The following GRHL2 variants were observed in gnomAD, a reference collection of about 807,000 sequenced individuals.
GRHL2 encodes the protein grainyhead like transcription factor 2.
Under a neutral mutation model 83.8 loss-of-function variants are expected in GRHL2, and 21 were observed. That is an observed-to-expected ratio of 0.25 (90% CI 0.18 to 0.36). The LOEUF (loss-of-function observed/expected upper bound fraction) is 0.36. Ranked by LOEUF, GRHL2 falls within the 10% of genes least tolerant of loss-of-function variation. The pLI, the probability that GRHL2 is intolerant of heterozygous loss-of-function variation, is 1.00. For missense variants in GRHL2, 623 were observed against 781.8 expected (o/e 0.80, Z 2.42); for synonymous variants, 280 against 278.9 (o/e 1.00, Z -0.04).
chr8:101,545,939 T>C (rs1811256577), intron 2 of GRHL2, among the ~76,000 whole-genome samples: 1 of 140,024 alleles, frequency 7.1e-6, no homozygotes, highest in Admixed American at 8.0e-5. Context: ...TGGAGTGCAG[T>C]GGCACGATCT....
At chr8:101,495,877 G>A (rs748040783) in intron 1 of GRHL2, among the ~76,000 whole-genome samples, 18 of 152,070 alleles carry the variant, frequency 1.2e-4, no homozygotes, top group Non-Finnish European at 1.6e-4. Flanking sequence ...GGCCAGGCGC[G>A]GCGGCTCACA....
At chr8:101,677,286 C>G in the GRHL2 span, among the ~76,000 whole-genome samples, 2 of 151,910 alleles carry the variant, frequency 1.3e-5, no homozygotes, top group African/African-American at 4.8e-5. Context: ...GCAAACACCC[C>G]TCATAGACCA....
At chr8:101,510,476 T>G (rs1810439770) in intron 1 of GRHL2, among the ~76,000 whole-genome samples, 1 of 152,240 alleles carries the variant, frequency 6.6e-6, no homozygotes, top group Non-Finnish European at 1.5e-5. Flanking sequence ...GTCATAATTC[T>G]ATACAAATCC....
At chr8:101,526,955 G>T (rs1484005332) in intron 1 of GRHL2, among the ~76,000 whole-genome samples, 1 of 152,184 alleles carries the variant, frequency 6.6e-6, no homozygotes, top group Middle Eastern at 3.4e-3. Flanking sequence ...TGCTTGTTTT[G>T]TTTTTATTGT....
At chr8:101,554,544 G>A (rs1811453207) in intron 3 of GRHL2, among the ~76,000 whole-genome samples, 1 of 152,128 alleles carries the variant, frequency 6.6e-6, no homozygotes. Context: ...CTGCAGTGAA[G>A]TATAGACTAA....
chr8:101,609,818 A>C (rs886729295), intron 8 of GRHL2, among the ~76,000 whole-genome samples: 4 of 151,074 alleles, frequency 2.6e-5, no homozygotes, highest in Admixed American at 1.3e-4. Flanking sequence ...TTGGCTGGGA[A>C]ACAAGGAAGG....
intron 1 of GRHL2, among the ~76,000 whole-genome samples, chr8:101,495,130 A>G (rs1810069143): frequency 6.6e-6 from 1 of 152,180 alleles, no homozygotes; most frequent in African/African-American, 2.4e-5. Context: ...TGGGGACTGT[A>G]AGTAAACGGG....
intron 3 of GRHL2, among the ~76,000 whole-genome samples, chr8:101,554,297 G>A (rs145612826): frequency 6.6e-6 from 1 of 152,156 alleles, no homozygotes; most frequent in Non-Finnish European, 1.5e-5. Context: ...CACTCTTCAG[G>A]CCCTAAAACT....
At chr8:101,661,275 AT>A (rs578010772) in intron 14 of GRHL2, among the ~76,000 whole-genome samples, 221 of 152,380 alleles carry the variant, frequency 1.5e-3, no homozygotes, top group African/African-American at 5.1e-3. Flanking sequence ...AGTTTACAGC[AT>A]GCCACTGGTG....
chr8:101,568,693 A>G (rs1435929612), intron 4 of GRHL2, among the ~76,000 whole-genome samples: 2 of 152,046 alleles, frequency 1.3e-5, no homozygotes, highest in Admixed American at 1.3e-4. Flanking sequence ...GCACCAAAGC[A>G]GATTGTGAAG....
At chr8:101,522,742 T>TAC (rs1554582882) in intron 1 of GRHL2, among the ~76,000 whole-genome samples, 11 of 150,498 alleles carry the variant, frequency 7.3e-5, no homozygotes, top group Admixed American at 2.0e-4. Context: ...CATATACATA[T>TAC]ATATATATAC....
At chr8:101,656,873 GACACAC>G (rs35693999) in intron 14 of GRHL2, among the ~76,000 whole-genome samples, 17,377 of 146,910 alleles carry the variant, frequency 0.12, 1,129 homozygotes, top group South Asian at 0.24. Context: ...GTGTCTAACA[GACACAC>G]ACACACACAC....
intron 1 of GRHL2, among the ~76,000 whole-genome samples, chr8:101,527,658 T>G (rs913134262): frequency 6.6e-6 from 1 of 152,256 alleles, no homozygotes; most frequent in African/African-American, 2.4e-5. Flanking sequence ...TGATATTCTC[T>G]GATGGCTGTA....
intron 3 of GRHL2, among the ~76,000 whole-genome samples, chr8:101,554,807 C>A (rs986492439): frequency 6.6e-6 from 1 of 152,066 alleles, no homozygotes; most frequent in Non-Finnish European, 1.5e-5. Context: ...ATATTTGGTT[C>A]AATTTTAAAT....
chr8:101,576,127 TG>T (rs1811928730), intron 6 of GRHL2, among the ~76,000 whole-genome samples: 1 of 152,194 alleles, frequency 6.6e-6, no homozygotes, highest in East Asian at 1.9e-4. Context: ...TGATGTTAAT[TG>T]GGAAGACATT....
chr8:101,499,956 C>G (rs980379775), intron 1 of GRHL2, among the ~76,000 whole-genome samples: 4 of 151,902 alleles, frequency 2.6e-5, no homozygotes, highest in Non-Finnish European at 5.9e-5. Flanking sequence ...CGTGCCTGTA[C>G]TCCCAGCTAC....
intron 13 of GRHL2, among the ~76,000 whole-genome samples, chr8:101,646,301 C>A (rs778844370): frequency 6.6e-6 from 1 of 152,230 alleles, no homozygotes; most frequent in Non-Finnish European, 1.5e-5. Flanking sequence ...ATCACACAGG[C>A]GAAACTAATT....
intron 1 of GRHL2, among the ~76,000 whole-genome samples, chr8:101,502,280 T>A (rs758970660): frequency 1.3e-5 from 2 of 152,178 alleles, no homozygotes; most frequent in African/African-American, 2.4e-5. Flanking sequence ...ATTTTCTCCC[T>A]CCAGAGGGGT....
At chr8:101,664,274 T>G (rs946454580) in intron 14 of GRHL2, among the ~76,000 whole-genome samples, 180 bp from the exon 15 acceptor site, 3 of 152,248 alleles carry the variant, frequency 2.0e-5, no homozygotes, top group African/African-American at 7.2e-5. Context: ...TTTTGTTGAA[T>G]GATTTAAAGT....
Sources: gnomAD v4.1 joint callset for allele counts (sites outside exome capture counted in the v4.1 genomes callset) on GRCh38, gnomAD v4.1.1 for gene constraint, MANE v1.5 for transcripts, NCBI Gene and HGNC (gene_info 2026-07-23, HGNC 2026-07-21) for gene names.